CWC27: variants seen among roughly 807,000 people sequenced by gnomAD.
The protein encoded by CWC27 is spliceosome-associated protein CWC27 homolog.
In CWC27, 47 loss-of-function variants were observed where a neutral mutation model predicts 63.6. The ratio of observed to expected loss-of-function variants is 0.74; its 90% CI spans 0.58 to 0.94. The LOEUF is 0.94. Among genes scored for constraint, CWC27 ranks in the 40% least tolerant of loss-of-function variants. CWC27 has a pLI of 0.00. For synonymous variants in CWC27, 175 were observed against 179.8 expected, an observed-to-expected ratio of 0.97 and a Z score of 0.22; for missense variants, 495 against 554.3, an observed-to-expected ratio of 0.89 and a Z score of 1.07.
chr5:64,917,974 G>A (rs1747923692), intron 11 of CWC27, among the ~76,000 whole-genome samples: 1 of 151,608 alleles, frequency 6.6e-6, no homozygotes, highest in Non-Finnish European at 1.5e-5. Context: ...ACACACATTG[G>A]TTGTATATCT....
intron 10 of CWC27, among the ~76,000 whole-genome samples, chr5:64,862,700 T>C (rs1746440254): frequency 6.6e-6 from 1 of 152,198 alleles, no homozygotes; most frequent in Admixed American, 6.5e-5. Flanking sequence ...TTGAATTTTT[T>C]TTAGTCTCTT....
chr5:64,897,459 A>G lies in CWC27; in HGVS notation c.1042+11913A>G, dbSNP rs141752370. 3.1e-3 allele frequency among the ~76,000 whole-genome samples: 479 copies of G among 152,290 alleles called. 2 individuals carry two copies. The highest frequency in any genetic ancestry group is 6.8e-3 in the Middle Eastern group (2 of 294). ...AGGGACATGGATGAAGCTGGAAACC[A>G]TCATTCTTAGCAAACTGTCACAAGG... On this transcript the variant is annotated intron_variant, in intron 11 of 13. Coordinates refer to ENST00000381070, the MANE Select transcript of CWC27 (RefSeq NM_005869.4).
chr5:65,006,895 C>T (rs1163505573), intron 13 of CWC27, among the ~76,000 whole-genome samples: 1 of 150,056 alleles, frequency 6.7e-6, no homozygotes, highest in Non-Finnish European at 1.5e-5. Flanking sequence ...CCCCATGACA[C>T]GTTACCTATG....
intron 10 of CWC27, among the ~76,000 whole-genome samples, chr5:64,838,303 C>G (rs1027148864): frequency 2.6e-5 from 4 of 152,110 alleles, no homozygotes; most frequent in African/African-American, 9.7e-5. Flanking sequence ...AGAGTTGAAA[C>G]AGATGCAATA....
At chr5:64,886,812 A>G (rs952779855) in intron 11 of CWC27, among the ~76,000 whole-genome samples, 2 of 152,152 alleles carry the variant, frequency 1.3e-5, no homozygotes, top group African/African-American at 4.8e-5. Flanking sequence ...CACAAATAAT[A>G]AACAATTTAG....
intron 4 of CWC27, 70 bp downstream of exon 4, chr5:64,784,049 T>C: frequency 7.7e-7 from 1 of 1,290,604 alleles, no homozygotes; most frequent in Non-Finnish European, 1.0e-6. Context: ...ACTTCTAAGA[T>C]ACATATGATT....
chr5:64,842,758 G>A (rs1037865583), intron 10 of CWC27, among the ~76,000 whole-genome samples: 1 of 151,956 alleles, frequency 6.6e-6, no homozygotes, highest in East Asian at 1.9e-4. Context: ...ACACCACCAT[G>A]CCCGGCTTAT....
intron 11 of CWC27, among the ~76,000 whole-genome samples, chr5:64,940,632 T>G (rs1748454385): frequency 6.6e-6 from 1 of 152,144 alleles, no homozygotes; most frequent in Admixed American, 6.5e-5. Flanking sequence ...TCATTTCTTT[T>G]ATATTTATAG....
chr5:64,822,018 T>TTC (rs1190916719), intron 10 of CWC27, among the ~76,000 whole-genome samples: 2 of 152,186 alleles, frequency 1.3e-5, no homozygotes, highest in Non-Finnish European at 2.9e-5. Flanking sequence ...TGGGGCCAGG[T>TTC]CATGACGGGC....
chr5:64,794,241 G>A (rs1744179182), intron 7 of CWC27, among the ~76,000 whole-genome samples: 1 of 152,016 alleles, frequency 6.6e-6, no homozygotes, highest in Admixed American at 6.6e-5. Flanking sequence ...TATTCTTGTA[G>A]ACAACAAGAA....
rs115189774 is a variant in CWC27, at chr5:64,964,441, A to G, written c.1043-7262A>G. ...GAATTTAACTTTAGAAAATCTTAAA[A>G]TTTTAGAATGAAATGTCATTTCCAT... On this transcript the variant is annotated intron_variant, in intron 11 of 13. Transcript: ENST00000381070. Among the ~76,000 whole-genome samples the G allele has an allele frequency of 4.1e-3, 622 of 152,318 alleles. 2 individuals are homozygous for G. The highest frequency in any genetic ancestry group is 0.014 in the African/African-American group (581 of 41,570).
chr5:64,960,786 T>A (rs1748891629), intron 11 of CWC27, among the ~76,000 whole-genome samples: 1 of 125,886 alleles, frequency 7.9e-6, no homozygotes, highest in Non-Finnish European at 1.9e-5. Context: ...TCAGTACACT[T>A]CTTTTTTTTT....
chr5:64,877,174 A>G (rs1746813856), intron 10 of CWC27, among the ~76,000 whole-genome samples: 1 of 152,196 alleles, frequency 6.6e-6, no homozygotes, highest in African/African-American at 2.4e-5. Context: ...AGAGTCCATC[A>G]TTGGATGAAT....
intron 11 of CWC27, among the ~76,000 whole-genome samples, chr5:64,939,468 T>A (rs1748425608): frequency 6.6e-6 from 1 of 152,200 alleles, no homozygotes; most frequent in Admixed American, 6.5e-5. Context: ...CAAAGATTGC[T>A]GCCTGTTCCT....
At chr5:64,796,480 C>A (rs1744267199) in intron 7 of CWC27, among the ~76,000 whole-genome samples, 2 of 152,222 alleles carry the variant, frequency 1.3e-5, no homozygotes, top group Admixed American at 6.5e-5. Flanking sequence ...TGGGAAACCT[C>A]AGTTTTTGCT....
intron 11 of CWC27, among the ~76,000 whole-genome samples, chr5:64,952,574 G>A (rs116180962): frequency 0.018 from 2,751 of 152,004 alleles, 87 homozygotes; most frequent in African/African-American, 0.063. Flanking sequence ...AACCTGGAGA[G>A]GGGTATGGAA....
At chr5:64,868,487 GT>G (rs1320105660) in intron 10 of CWC27, among the ~76,000 whole-genome samples, 1 of 151,942 alleles carries the variant, frequency 6.6e-6, no homozygotes, top group Non-Finnish European at 1.5e-5. Flanking sequence ...ACGTAACATT[GT>G]TCTTGTTCTA....
intron 13 of CWC27, among the ~76,000 whole-genome samples, chr5:65,015,994 G>T (rs1213172765): frequency 6.6e-6 from 1 of 152,230 alleles, no homozygotes; most frequent in African/African-American, 2.4e-5. Flanking sequence ...ATTTACTGAA[G>T]TGAGTTGTCA....
chr5:64,948,237 A>T (rs1246595549), intron 11 of CWC27, among the ~76,000 whole-genome samples: 1 of 152,034 alleles, frequency 6.6e-6, no homozygotes, highest in Non-Finnish European at 1.5e-5. Context: ...AGCACTTTTT[A>T]TTTAATGGGA....
Sources: gnomAD v4.1 joint callset for allele counts (sites outside exome capture counted in the v4.1 genomes callset) on GRCh38, gnomAD v4.1.1 for gene constraint, MANE v1.5 for transcripts, NCBI Gene and HGNC (gene_info 2026-07-23, HGNC 2026-07-21) for gene names.